TRPC7: variants seen among roughly 807,000 people sequenced by gnomAD.
TRPC7 encodes the protein short transient receptor potential channel 7.
Under a neutral mutation model 90.1 loss-of-function variants are expected in TRPC7, and 42 were observed. The ratio of observed to expected loss-of-function variants is 0.47; its 90% confidence interval spans 0.36 to 0.60. The LOEUF is 0.60. Ranked by LOEUF, TRPC7 falls within the 20% of genes least tolerant of loss-of-function variation. The pLI, the probability that TRPC7 is intolerant of heterozygous loss-of-function variation, is 0.00. For synonymous variants in TRPC7, 451 were observed against 436.3 expected (o/e 1.03, Z -0.42); for missense variants, 955 against 1,112.3 (o/e 0.86, Z 2.01).
At chr5:136,331,894 A>T (rs1759511724) in intron 2 of TRPC7, among the ~76,000 whole-genome samples, 1 of 152,158 alleles carries the variant, frequency 6.6e-6, no homozygotes, top group Non-Finnish European at 1.5e-5. Context: ...TACAACCATG[A>T]GCAGAATGGA....
intron 4 of TRPC7, among the ~76,000 whole-genome samples, chr5:136,269,401 G>A (rs1317292433): frequency 6.6e-6 from 1 of 152,194 alleles, no homozygotes; most frequent in East Asian, 1.9e-4. Flanking sequence ...TTACTGGTCA[G>A]CACCAACTCT....
Position 136,350,252 on chromosome 5 carries a change from G to A in TRPC7, c.780+6356C>T, listed in dbSNP as rs931577704. Among the ~76,000 whole-genome samples, 5 of 152,304 alleles carry A rather than the reference G, an allele frequency of 3.3e-5. No individual in the cohort carries two copies. In the South Asian group the frequency reaches 1.0e-3, roughly 32 times the overall value. ...GCCCAAGATTACATGGTTGGTAGGA[G>A]AGAGAGAACCAGGTCAGTCTGGTTC... On this transcript the variant is annotated intron_variant, in intron 2 of 11. Transcript: ENST00000513104.
chr5:136,272,068 G>A (rs1488650234), intron 4 of TRPC7, among the ~76,000 whole-genome samples: 3 of 152,166 alleles, frequency 2.0e-5, no homozygotes, highest in Admixed American at 6.5e-5. Context: ...ACATTGATGG[G>A]CATTAGTTAG....
At chr5:136,329,487 A>G (rs1759436168) in intron 2 of TRPC7, among the ~76,000 whole-genome samples, 1 of 152,054 alleles carries the variant, frequency 6.6e-6, no homozygotes, top group Non-Finnish European at 1.5e-5. Flanking sequence ...GGGTTTCCAA[A>G]AGGAGGCAGA....
chr5:136,243,859 G>A (rs1267873689), intron 7 of TRPC7, among the ~76,000 whole-genome samples: 2 of 152,018 alleles, frequency 1.3e-5, no homozygotes, highest in Admixed American at 6.6e-5. Flanking sequence ...CTGCCACGGC[G>A]ATAAATCTCC....
chr5:136,284,488 C>T (rs1757648126), intron 3 of TRPC7, among the ~76,000 whole-genome samples: 1 of 152,204 alleles, frequency 6.6e-6, no homozygotes, highest in Non-Finnish European at 1.5e-5. Context: ...TTTAAAGCCA[C>T]ATCTACCTAC....
At chr5:136,268,529 C>T (rs750391273) in intron 4 of TRPC7, among the ~76,000 whole-genome samples, 5 of 152,186 alleles carry the variant, frequency 3.3e-5, no homozygotes, top group Non-Finnish European at 7.3e-5. Context: ...ACCTCTCCAA[C>T]TTCTCACCCA....
intron 2 of TRPC7, among the ~76,000 whole-genome samples, chr5:136,354,571 T>G (rs1182997122): frequency 6.6e-6 from 1 of 152,204 alleles, no homozygotes; most frequent in African/African-American, 2.4e-5. Flanking sequence ...TTCTCTCTCT[T>G]CAGTCCCAGT....
intron 4 of TRPC7, among the ~76,000 whole-genome samples, chr5:136,268,247 T>C (rs543646997): frequency 6.6e-6 from 1 of 152,276 alleles, no homozygotes. Flanking sequence ...CATCACATTG[T>C]TTCTTGTCAC....
At chr5:136,345,629 T>G (rs1305361594) in intron 2 of TRPC7, among the ~76,000 whole-genome samples, 1 of 152,094 alleles carries the variant, frequency 6.6e-6, no homozygotes, top group Non-Finnish European at 1.5e-5. Context: ...ATTATAAAAA[T>G]TTTCTCCCAT....
intron 3 of TRPC7, among the ~76,000 whole-genome samples, chr5:136,294,905 A>T (rs1337374732): frequency 6.6e-6 from 1 of 152,256 alleles, no homozygotes; most frequent in African/African-American, 2.4e-5. Flanking sequence ...TCCAGCAATG[A>T]TAGACTGGAT....
intron 3 of TRPC7, among the ~76,000 whole-genome samples, chr5:136,315,341 A>G (rs1333512215): frequency 6.6e-6 from 1 of 152,092 alleles, no homozygotes; most frequent in Admixed American, 6.5e-5. Flanking sequence ...TCTGCTGTCC[A>G]GGCTCAAGGC....
rs145742064 is a variant in TRPC7 at position 136,326,578 on chromosome 5, A to C, written c.781-10799T>G. ...GAAATAGCTTTTAGGAGAAGATGAG[A>C]AGAGATGGATTAGAAAAACCGGATA... is the stretch of plus-strand genomic sequence containing the variant. On this transcript the variant is annotated intron_variant, in intron 2 of 11. Coordinates refer to ENST00000513104, the MANE Select transcript of TRPC7 (RefSeq NM_020389.3). Among the ~76,000 whole-genome samples, 3 of 152,216 alleles carry C rather than the reference A, an allele frequency of 2.0e-5. No homozygotes were observed. In the East Asian group the frequency reaches 5.8e-4, roughly 29 times the overall value.
rs1207228570 is a variant in TRPC7, at chr5:136,301,358, TTTA to T, written c.963+14236_963+14238del. Among the ~76,000 whole-genome samples the T allele has an allele frequency of 2.7e-3, 347 of 129,596 alleles. 7 individuals are homozygous for T. The highest frequency in any genetic ancestry group is 7.2e-3 in the African/African-American group (244 of 33,802). 85.0% of individuals were successfully genotyped at this position (129,596 alleles called of 152,430 possible). ...TTTTTTTTTTTTTTTTTTTTTTTTT[TTTA>T]ACAAATCATAGTTGTCAGGCCTCTG... On this transcript the variant is annotated intron_variant, in intron 3 of 11. Coordinates refer to ENST00000513104, the MANE Select transcript of TRPC7 (RefSeq NM_020389.3).
At chr5:136,356,171 G>A (rs956656563) in intron 2 of TRPC7, among the ~76,000 whole-genome samples, 2 of 152,206 alleles carry the variant, frequency 1.3e-5, no homozygotes, top group Admixed American at 6.5e-5. Flanking sequence ...AGACATTCCA[G>A]GATGAGAGAG....
At chr5:136,343,590 C>T (rs1049666045) in intron 2 of TRPC7, among the ~76,000 whole-genome samples, 1 of 152,160 alleles carries the variant, frequency 6.6e-6, no homozygotes, top group Non-Finnish European at 1.5e-5. Flanking sequence ...GTCTGTTCTT[C>T]AACTAAACTA....
rs371382144 is a variant in TRPC7 at position 136,302,886 on chromosome 5, C to G, written c.963+12711G>C. 2.1e-4 allele frequency among the ~76,000 whole-genome samples: 32 copies of G among 152,210 alleles called. No individual in the cohort carries two copies. The East Asian group carries it at 4.1e-3, about 19-fold the overall frequency. ...TCCCAAATCTTCCTTCTTTCCCTCC[C>G]ACATGTCCCCTCAGTCCCAACCCCA... On this transcript the variant is annotated intron_variant, in intron 3 of 11. Coordinates refer to ENST00000513104, the MANE Select transcript of TRPC7 (RefSeq NM_020389.3).
chr5:136,351,788 A>C (rs1400120240), intron 2 of TRPC7, among the ~76,000 whole-genome samples: 1 of 152,230 alleles, frequency 6.6e-6, no homozygotes. Context: ...CATTATTTGC[A>C]TTTTTAATTT....
At chr5:136,299,202 G>T (rs1033055698) in intron 3 of TRPC7, among the ~76,000 whole-genome samples, 1 of 152,012 alleles carries the variant, frequency 6.6e-6, no homozygotes, top group African/African-American at 2.4e-5. Flanking sequence ...TCGGGAGGCT[G>T]AGGCAGGAGA....
Sources: gnomAD v4.1 joint callset for allele counts (sites outside exome capture counted in the v4.1 genomes callset) on GRCh38, gnomAD v4.1.1 for gene constraint, MANE v1.5 for transcripts, NCBI Gene and HGNC (gene_info 2026-07-23, HGNC 2026-07-21) for gene names.